Variants in ITPR2 observed in about 807,000 individuals in gnomAD.
The protein encoded by ITPR2 is inositol 1,4,5-trisphosphate-gated calcium channel ITPR2.
Under a neutral mutation model 317.1 loss-of-function variants are expected in ITPR2, and 207 were observed. The observed-to-expected ratio is 0.65, with a 90% confidence interval of 0.58 to 0.73. The LOEUF (loss-of-function observed/expected upper bound fraction) is 0.73. ITPR2 is among the 30% of genes least tolerant of loss of function. The pLI is 0.00. For synonymous variants in ITPR2, 1,156 were observed against 1,149.1 expected (o/e 1.01, Z -0.12); for missense variants, 2,613 against 3,284.0 (o/e 0.80, Z 4.99).
At chr12:26,475,845 C>T (rs946613274) in intron 44 of ITPR2, among the ~76,000 whole-genome samples, 10 of 152,084 alleles carry the variant, frequency 6.6e-5, no homozygotes, top group East Asian at 1.9e-4. Flanking sequence ...AAACACAGTG[C>T]GGTGCCATCG....
chr12:26,487,150 T>A lies in ITPR2; in HGVS notation c.5472A>T (p.Thr1824=). The A allele has an allele frequency of 6.2e-7, 1 of 1,613,262 alleles. No homozygotes were observed. The highest frequency in any genetic ancestry group is 8.5e-7 in the Non-Finnish European group (1 of 1,179,358). ...CTAAATCTATGGTATTAACTGTCAC[T>A]GTTGATCTTATTTCTTTCTGAGCAG... ...MKAAQKEIRS[T]VTVNTIDLGN... The change falls in exon 40 of 57, where the codon ACA becomes ACT. Residue 1824 remains threonine, a synonymous_variant. Coordinates refer to ENST00000381340, the MANE Select transcript of ITPR2 (RefSeq NM_002223.4).
intron 37 of ITPR2, among the ~76,000 whole-genome samples, chr12:26,516,091 T>G (rs1176115566): frequency 6.7e-6 from 1 of 148,228 alleles, no homozygotes; most frequent in East Asian, 2.0e-4. Context: ...ACCACTGAAC[T>G]CTAGCCTGGG....
At chr12:26,733,583 C>G (rs1013404610) in intron 2 of ITPR2, among the ~76,000 whole-genome samples, 38 of 152,072 alleles carry the variant, frequency 2.5e-4, no homozygotes, top group African/African-American at 8.9e-4. Flanking sequence ...ATCTTAGTCT[C>G]AAAGAGATTA....
At chr12:26,613,962 C>A (rs751190649) in intron 26 of ITPR2, among the ~76,000 whole-genome samples, 3 of 152,120 alleles carry the variant, frequency 2.0e-5, no homozygotes, top group Non-Finnish European at 2.9e-5. Flanking sequence ...TAACTACAGA[C>A]CTCAGAGAAA....
intron 23 of ITPR2, 101 bp downstream of exon 23, chr12:26,627,932 A>T (rs1946657666): frequency 2.6e-6 from 3 of 1,150,280 alleles, no homozygotes; most frequent in Admixed American, 2.4e-5. Flanking sequence ...AAAAAAATTT[A>T]AAAAGCACAA....
intron 49 of ITPR2, chr12:26,419,418 T>G: frequency 2.0e-6 from 1 of 499,146 alleles, no homozygotes; most frequent in Non-Finnish European, 3.5e-6. Flanking sequence ...GTCTTCAGCA[T>G]TGCTTACAAA....
At position 26,336,871 on chromosome 12, in the gene ITPR2, T is replaced by G. The variant is rs542134993; in HGVS notation, c.*2526A>C. On this transcript the variant is annotated 3_prime_UTR_variant, in exon 57 of 57. Transcript: ENST00000381340. ...CATTAACAAACATACACATAACAAA[T>G]ATAAATTTATATCAAATGTCAAATT... 1.6e-4 allele frequency: 24 copies of G among 152,116 alleles called. No individual in the cohort carries two copies. Among genetic ancestry groups the G allele is most frequent in the African/African-American group, 5.8e-4 (24 of 41,530 alleles). The allele number at this position is 152,116 out of a possible 1,614,324, so 9.4% of individuals were successfully genotyped here.
chr12:26,375,527 G>A (rs1939312252), intron 55 of ITPR2, among the ~76,000 whole-genome samples: 1 of 152,188 alleles, frequency 6.6e-6, no homozygotes, highest in South Asian at 2.1e-4. Flanking sequence ...GCCCCACCAT[G>A]AAAACTGTTT....
chr12:26,517,159 A>G (rs1355372065), intron 37 of ITPR2, among the ~76,000 whole-genome samples: 1 of 152,112 alleles, frequency 6.6e-6, no homozygotes, highest in Non-Finnish European at 1.5e-5. Context: ...GAATTTCTGA[A>G]AAACAACAAT....
chr12:26,695,002 T>C (rs1948312528), intron 10 of ITPR2, among the ~76,000 whole-genome samples: 1 of 152,202 alleles, frequency 6.6e-6, no homozygotes, highest in African/African-American at 2.4e-5. Flanking sequence ...TAAAGCTATG[T>C]ATCAATGCAA....
chr12:26,475,256 T>A (rs752297811), intron 45 of ITPR2, 40 bp downstream of exon 45: 14 of 1,609,960 alleles, frequency 8.7e-6, no homozygotes, highest in Non-Finnish European at 1.2e-5. Context: ...ACACGATTGA[T>A]AGGATGAGCA....
At chr12:26,353,808 G>C (rs1938551213) in intron 55 of ITPR2, among the ~76,000 whole-genome samples, 1 of 151,868 alleles carries the variant, frequency 6.6e-6, no homozygotes, top group South Asian at 2.1e-4. Context: ...GGGAGAATTA[G>C]GAATAAGTAC....
At chr12:26,672,166 C>G (rs1289451102) in intron 13 of ITPR2, among the ~76,000 whole-genome samples, 1 of 151,748 alleles carries the variant, frequency 6.6e-6, no homozygotes, top group African/African-American at 2.4e-5. Flanking sequence ...ACAAGGATAC[C>G]CAGGAATTGA....
intron 39 of ITPR2, among the ~76,000 whole-genome samples, chr12:26,493,222 C>CCTTT (rs1942851983): frequency 6.6e-6 from 1 of 152,066 alleles, no homozygotes; most frequent in Admixed American, 6.6e-5. Context: ...GCTCGTGAGG[C>CCTTT]CTTTACTCCT....
intron 20 of ITPR2, among the ~76,000 whole-genome samples, chr12:26,654,615 T>C (rs1947333507): frequency 6.6e-6 from 1 of 152,140 alleles, no homozygotes; most frequent in Admixed American, 6.6e-5. Context: ...GTATCAGAGT[T>C]GGTCCAAGTA....
intron 37 of ITPR2, among the ~76,000 whole-genome samples, chr12:26,508,161 T>C (rs1471040985): frequency 6.6e-6 from 1 of 152,204 alleles, no homozygotes; most frequent in Non-Finnish European, 1.5e-5. Flanking sequence ...TTAAAATCCA[T>C]GGTGTGCTTT....
In ITPR2 at chr12:26,686,599, G is replaced by A. The variant is rs773972357; in HGVS notation, c.1030C>T (p.Arg344Cys). ...DGVPPTSKKK[R>C]QAGEKIMYTL... Reference sequence around the variant, plus strand: ...TACATGATCTTCTCCCCTGCCTGGCGTTTTTTCTTTGAAGTTGGAGGGACT... The same window carrying A: ...TACATGATCTTCTCCCCTGCCTGGCATTTTTTCTTTGAAGTTGGAGGGACT... Residue 344 changes from arginine to cysteine, a missense_variant, in exon 11 of 57, where the codon CGC (arginine) becomes TGC (cysteine). Transcript: ENST00000381340. 50 of 1,610,428 alleles carry A rather than the reference G, an allele frequency of 3.1e-5. No individual in the cohort carries two copies. The highest frequency in any genetic ancestry group is 1.6e-4 in the Middle Eastern group (1 of 6,068).
chr12:26,547,881 C>T (rs74523878), intron 37 of ITPR2, among the ~76,000 whole-genome samples: 4,767 of 152,256 alleles, frequency 0.031, 191 homozygotes, highest in African/African-American at 0.087. Flanking sequence ...CGCCATAAAC[C>T]TGCTAGACAA....
intron 48 of ITPR2, 79 bp from the exon 49 acceptor site, chr12:26,428,167 T>G: frequency 9.2e-7 from 1 of 1,082,552 alleles, no homozygotes; most frequent in South Asian, 2.0e-5. Context: ...CTACTTTATA[T>G]GGTATCATTA....
Sources: allele counts gnomAD v4.1 joint callset (sites outside exome capture counted in the v4.1 genomes callset), GRCh38; gene constraint gnomAD v4.1.1; transcripts MANE v1.5; gene names NCBI Gene and HGNC (gene_info 2026-07-23, HGNC 2026-07-21).